CFAP61: variants seen among roughly 807,000 people sequenced by gnomAD.
CFAP61 encodes the protein cilia- and flagella-associated protein 61.
A neutral mutation model predicts 135.6 loss-of-function variants in CFAP61; 107 were observed. That is an observed-to-expected ratio of 0.79 (90% confidence interval 0.67 to 0.93). The LOEUF (loss-of-function observed/expected upper bound fraction) is 0.93, where lower values mean the gene tolerates loss of function less well. Ranked by LOEUF, CFAP61 falls within the 40% of genes least tolerant of loss-of-function variation. The pLI is 0.00. For synonymous variants in CFAP61, 575 were observed against 578.5 expected, an observed-to-expected ratio of 0.99 and a Z score of 0.09; for missense variants, 1,507 against 1,556.2, an observed-to-expected ratio of 0.97 and a Z score of 0.53.
chr20:20,227,530 C>A (rs768121803), intron 17 of CFAP61, among the ~76,000 whole-genome samples: 1 of 152,212 alleles, frequency 6.6e-6, no homozygotes, highest in Admixed American at 6.5e-5. Context: ...ATTTAATGTA[C>A]CCCTTGCAGC....
chr20:20,284,250 CT>C, intron 22 of CFAP61, among the ~76,000 whole-genome samples: 1 of 145,084 alleles, frequency 6.9e-6, no homozygotes, highest in Admixed American at 6.9e-5. Context: ...TCAATTGGCT[CT>C]TTATTTTATT....
At chr20:20,218,452 G>A (rs1301718932) in intron 17 of CFAP61, among the ~76,000 whole-genome samples, 8 of 152,092 alleles carry the variant, frequency 5.3e-5, no homozygotes, top group African/African-American at 1.4e-4. Context: ...ACCCAGTCTC[G>A]GGTATGTCTT....
chr20:20,160,460 C>T (rs1261005494), intron 10 of CFAP61, among the ~76,000 whole-genome samples: 1 of 152,202 alleles, frequency 6.6e-6, no homozygotes, highest in East Asian at 1.9e-4. Context: ...GTACCCCTTT[C>T]TCATGGCTAA....
At chr20:20,292,996 C>T (rs933680196) in intron 24 of CFAP61, among the ~76,000 whole-genome samples, 4 of 152,034 alleles carry the variant, frequency 2.6e-5, no homozygotes, top group Non-Finnish European at 5.9e-5. Flanking sequence ...GGGACACTGT[C>T]GTGGCCATCT....
intron 9 of CFAP61, among the ~76,000 whole-genome samples, chr20:20,154,700 A>T (rs2052739996): frequency 6.6e-6 from 1 of 152,156 alleles, no homozygotes; most frequent in South Asian, 2.1e-4. Flanking sequence ...CAAAAAACCT[A>T]GGAATATACT....
intron 8 of CFAP61, among the ~76,000 whole-genome samples, chr20:20,119,049 A>C (rs1188063402): frequency 6.6e-6 from 1 of 151,654 alleles, no homozygotes; most frequent in East Asian, 1.9e-4. Flanking sequence ...TTTTGTGTCT[A>C]TGTTCTTCAG....
intron 17 of CFAP61, chr20:20,221,328 T>C (rs2048383706): frequency 6.6e-6 from 1 of 152,226 alleles, no homozygotes; most frequent in Non-Finnish European, 1.5e-5. Flanking sequence ...CTTGCCGATG[T>C]TTGTGTATTG....
chr20:20,268,905 A>C (rs911692818), intron 21 of CFAP61, among the ~76,000 whole-genome samples: 8 of 152,122 alleles, frequency 5.3e-5, no homozygotes, highest in Non-Finnish European at 1.0e-4. Flanking sequence ...AATACAGTTT[A>C]CTGCCTTATT....
chr20:20,058,063 T>C (rs1006369567), intron 2 of CFAP61, among the ~76,000 whole-genome samples: 1 of 152,172 alleles, frequency 6.6e-6, no homozygotes, highest in Non-Finnish European at 1.5e-5. Flanking sequence ...ATATTAAATA[T>C]CCTAGTATTT....
intron 24 of CFAP61, among the ~76,000 whole-genome samples, chr20:20,296,004 T>TCCTG (rs2055410550): frequency 1.0e-5 from 1 of 96,758 alleles, no homozygotes; most frequent in African/African-American, 3.8e-5. Context: ...CTTCCTTCCT[T>TCCTG]CCTTCCCTCC....
At chr20:20,296,278 C>T (rs1239005174) in intron 24 of CFAP61, among the ~76,000 whole-genome samples, 1 of 98,570 alleles carries the variant, frequency 1.0e-5, no homozygotes, top group Non-Finnish European at 2.1e-5. Flanking sequence ...CTCCCCCTTC[C>T]CTCATCCCTT....
intron 26 of CFAP61, among the ~76,000 whole-genome samples, chr20:20,349,479 G>A (rs1262873785): frequency 6.6e-6 from 1 of 152,138 alleles, no homozygotes; most frequent in Non-Finnish European, 1.5e-5. Flanking sequence ...ACAGCAGCAA[G>A]CCATTCATGA....
chr20:20,126,226 G>C (rs577619976), intron 8 of CFAP61, among the ~76,000 whole-genome samples: 6 of 151,706 alleles, frequency 4.0e-5, no homozygotes, highest in African/African-American at 7.3e-5. Context: ...TGAGATGTGA[G>C]GTACCATTAC....
chr20:20,234,700 C>G, intron 18 of CFAP61, among the ~76,000 whole-genome samples: 1 of 152,084 alleles, frequency 6.6e-6, no homozygotes, highest in East Asian at 1.9e-4. Context: ...TACTTAGGCC[C>G]CACTCTCCAG....
intron 9 of CFAP61, among the ~76,000 whole-genome samples, chr20:20,156,093 A>C (rs2052884086): frequency 6.6e-6 from 1 of 152,156 alleles, no homozygotes; most frequent in African/African-American, 2.4e-5. Flanking sequence ...GGGTGCACTA[A>C]AATCTCAGAA....
At chr20:20,160,311 C>A (rs1265424178) in intron 10 of CFAP61, among the ~76,000 whole-genome samples, 7 of 152,116 alleles carry the variant, frequency 4.6e-5, no homozygotes, top group African/African-American at 1.7e-4. Flanking sequence ...TGGTCATATC[C>A]ATAGAGGCAC....
chr20:20,114,156 G>GCTA (rs146552609), intron 8 of CFAP61, among the ~76,000 whole-genome samples: 15,147 of 152,144 alleles, frequency 0.1, 1,104 homozygotes, highest in Non-Finnish European at 0.15. Flanking sequence ...TGTGGTCCCA[G>GCTA]CTACTCAGGA....
intron 17 of CFAP61, chr20:20,200,624 C>T: frequency 1.2e-6 from 1 of 838,060 alleles, no homozygotes; most frequent in Non-Finnish European, 1.4e-6. Context: ...TACTCTTTCA[C>T]TTAAGTAAGT....
intron 21 of CFAP61, among the ~76,000 whole-genome samples, chr20:20,269,141 A>G (rs1601731898): frequency 1.1e-4 from 10 of 92,176 alleles, no homozygotes; most frequent in African/African-American, 3.2e-4. Flanking sequence ...ATATATATAT[A>G]TATATACACA....
Sources: allele counts gnomAD v4.1 joint callset (sites outside exome capture counted in the v4.1 genomes callset), GRCh38; gene constraint gnomAD v4.1.1; transcripts MANE v1.5; gene names NCBI Gene and HGNC (gene_info 2026-07-23, HGNC 2026-07-21).